TTC28: variants seen among roughly 807,000 people sequenced by gnomAD.
TTC28 encodes tetratricopeptide repeat protein 28.
In TTC28, 61 loss-of-function variants were observed where a neutral mutation model predicts 198.0. That is an observed-to-expected ratio of 0.31 (90% CI 0.25 to 0.38). The LOEUF (loss-of-function observed/expected upper bound fraction) is 0.38, where lower values mean the gene tolerates loss of function less well. Among genes scored for constraint, TTC28 ranks in the 10% least tolerant of loss-of-function variants. The pLI, the probability that TTC28 is intolerant of heterozygous loss-of-function variation, is 1.00. For missense variants in TTC28, 2,678 were observed against 3,164.0 expected (o/e 0.85, Z 3.69); for synonymous variants, 1,171 against 1,297.8 (o/e 0.90, Z 2.10).
chr22:27,998,180 C>T lies in TTC28; in HGVS notation c.5119+360G>A, dbSNP rs547527274. ...AAGTAACCTATCTCAGGCCACACAG[C>T]CAGGACATGGAGTAGATCCATCCTA... On this transcript the variant is annotated intron_variant, in intron 16 of 22. Coordinates refer to ENST00000397906, the MANE Select transcript of TTC28 (RefSeq NM_001145418.2). The T allele has an allele frequency of 1.8e-5, 5 of 281,322 alleles. No individual in the cohort carries two copies. In the South Asian group the frequency reaches 3.4e-4, roughly 19 times the overall value. The allele number at this position is 281,322 out of a possible 1,614,324, so 17.4% of individuals were successfully genotyped here.
intron 5 of TTC28, among the ~76,000 whole-genome samples, chr22:28,173,484 C>A (rs1044663781): frequency 2.0e-5 from 3 of 152,210 alleles, no homozygotes; most frequent in Admixed American, 2.0e-4. Context: ...TGCATACAAA[C>A]AGTTATGCTA....
At chr22:27,988,779 TC>T (rs1937299070) in intron 21 of TTC28, among the ~76,000 whole-genome samples, 1 of 151,964 alleles carries the variant, frequency 6.6e-6, no homozygotes, top group Non-Finnish European at 1.5e-5. Context: ...CCGTGGCTGT[TC>T]CCTCGGCCTG....
Position 28,107,842 on chromosome 22 carries a change from T to C in TTC28, c.2003A>G (p.His668Arg). Residue 668 changes from histidine (H) to arginine (R), a missense_variant, in exon 7 of 23, where the codon CAC becomes CGC. Physicochemically the swap from His to Arg is conservative, Grantham distance 29. Around this residue, in one of 8 missense-constraint regions of TTC28, gnomAD observed 775 missense variants for 845.9 expected, o/e 0.92. Transcript: ENST00000397906. ...EQDLALAKDL[H>R]DKLSQAKAYC... is the part of the protein sequence containing the mutation. ...GGCTTTTGCTTGGCTCAACTTGTCG[T>C]GAAGGTCTTTAGCCAGTGCCAGATC... 1 of 1,551,878 alleles carries C rather than the reference T, an allele frequency of 6.4e-7. No homozygotes were observed. Among genetic ancestry groups the C allele is most frequent in the Non-Finnish European group, 8.7e-7 (1 of 1,147,032 alleles).
intron 2 of TTC28, among the ~76,000 whole-genome samples, chr22:28,622,462 T>C (rs892443202): frequency 2.0e-5 from 3 of 151,688 alleles, no homozygotes; most frequent in East Asian, 1.9e-4. Context: ...ATATCAACAA[T>C]TGAAAACTTT....
At chr22:28,405,728 T>C (rs888706615) in intron 2 of TTC28, among the ~76,000 whole-genome samples, 2 of 152,182 alleles carry the variant, frequency 1.3e-5, no homozygotes, top group African/African-American at 4.8e-5. Context: ...AAAGACTGGC[T>C]GAAACAGGGA....
In TTC28 at chr22:28,316,855, C is replaced by G. The variant is rs116276759; in HGVS notation, c.382-10212G>C. 2.2e-3 allele frequency among the ~76,000 whole-genome samples: 330 copies of G among 152,244 alleles called. 2 individuals are homozygous for G. Among genetic ancestry groups the G allele is most frequent in the African/African-American group, 7.7e-3 (321 of 41,546 alleles). ...GATCATGGCTCACTGCAGCTTTGAA[C>G]CCCTGAGTGCAAGTGATCCTCCCAC... On this transcript the variant is annotated intron_variant, in intron 2 of 22. Coordinates refer to ENST00000397906, the MANE Select transcript of TTC28 (RefSeq NM_001145418.2).
intron 6 of TTC28, among the ~76,000 whole-genome samples, chr22:28,149,816 T>G (rs1943565160): frequency 6.6e-6 from 1 of 152,126 alleles, no homozygotes; most frequent in African/African-American, 2.4e-5. Context: ...AGGAATAAAT[T>G]TTAGTGATCT....
chr22:28,605,356 C>A (rs2050712612), intron 2 of TTC28, among the ~76,000 whole-genome samples: 1 of 152,134 alleles, frequency 6.6e-6, no homozygotes. Context: ...TGACCAGTGG[C>A]CTTAAGAGAG....
intron 5 of TTC28, among the ~76,000 whole-genome samples, chr22:28,166,420 G>A (rs1337005824): frequency 6.6e-6 from 1 of 152,146 alleles, no homozygotes; most frequent in Non-Finnish European, 1.5e-5. Context: ...CCACATGGTT[G>A]GAAGTAAAGC....
chr22:28,516,121 G>A (rs2048781595), intron 2 of TTC28, among the ~76,000 whole-genome samples: 1 of 151,442 alleles, frequency 6.6e-6, no homozygotes, highest in Non-Finnish European at 1.5e-5. Flanking sequence ...CTCCAGCCTG[G>A]GTGACAAGAG....
At chr22:28,136,317 A>T (rs1484520751) in intron 6 of TTC28, among the ~76,000 whole-genome samples, 1 of 152,018 alleles carries the variant, frequency 6.6e-6, no homozygotes, top group Non-Finnish European at 1.5e-5. Context: ...GCTAATTTTT[A>T]AAATTTTTCT....
At chr22:28,082,769 T>C (rs1941412646) in intron 12 of TTC28, among the ~76,000 whole-genome samples, 1 of 152,218 alleles carries the variant, frequency 6.6e-6, no homozygotes, top group Non-Finnish European at 1.5e-5. Context: ...TAAAATGAAT[T>C]TGTAATGTTC....
chr22:28,387,625 G>A (rs2046632504), intron 2 of TTC28, among the ~76,000 whole-genome samples: 1 of 152,090 alleles, frequency 6.6e-6, no homozygotes, highest in South Asian at 2.1e-4. Flanking sequence ...TGTGTTTTTT[G>A]GCTGCATAAA....
intron 16 of TTC28, among the ~76,000 whole-genome samples, chr22:27,996,631 TGCCATGGGG>T (rs575294845): frequency 6.6e-6 from 1 of 151,992 alleles, no homozygotes; most frequent in Admixed American, 6.5e-5. Flanking sequence ...ATCTCCTCCT[TGCCATGGGG>T]GCCATGGGGA....
chr22:28,020,022 A>G (rs1938527630), intron 13 of TTC28, among the ~76,000 whole-genome samples: 1 of 152,234 alleles, frequency 6.6e-6, no homozygotes, highest in Non-Finnish European at 1.5e-5. Context: ...ACCAAGGACC[A>G]GAGAGAGCAA....
At chr22:28,162,486 AT>A (rs1921325438) in intron 6 of TTC28, among the ~76,000 whole-genome samples, 1 of 152,278 alleles carries the variant, frequency 6.6e-6, no homozygotes, top group African/African-American at 2.4e-5. Context: ...CTATATCATC[AT>A]TTCATGCCTC....
At chr22:28,057,328 G>C (rs1297645322) in intron 12 of TTC28, among the ~76,000 whole-genome samples, 1 of 152,010 alleles carries the variant, frequency 6.6e-6, no homozygotes, top group Non-Finnish European at 1.5e-5. Flanking sequence ...ATCCTTTCTA[G>C]TGGGAATGTA....
intron 2 of TTC28, among the ~76,000 whole-genome samples, chr22:28,374,134 C>T (rs1157669793): frequency 1.3e-5 from 2 of 152,166 alleles, no homozygotes; most frequent in Non-Finnish European, 2.9e-5. Flanking sequence ...AAGCTTTATA[C>T]TGAAAAGAAA....
chr22:27,983,115 G>A lies in TTC28; in HGVS notation c.6552C>T (p.Gly2184=), dbSNP rs148825394. ...GGTTATTACTCTTGCTCACCTGGCC[G>A]CCGCTCCTCTGAAGACGCTCCACCG... ...LIAVERLQRS[G]GQVSKSNNPE... is the part of the protein sequence containing the mutation. The change falls in exon 23 of 23, where the codon GGC becomes GGT. Residue 2184 remains glycine, a synonymous_variant. Coordinates refer to ENST00000397906, the MANE Select transcript of TTC28 (RefSeq NM_001145418.2). 4.5e-4 allele frequency: 694 copies of A among 1,551,736 alleles called. 5 individuals are homozygous for A. In the East Asian group the frequency reaches 0.012, roughly 28 times the overall value.
Sources: allele counts gnomAD v4.1 joint callset (sites outside exome capture counted in the v4.1 genomes callset), GRCh38; gene constraint gnomAD v4.1.1; regional missense constraint gnomAD v4.1.1; transcripts MANE v1.5; gene names NCBI Gene and HGNC (gene_info 2026-07-23, HGNC 2026-07-21).